The following ARHGAP32 variants were observed in gnomAD, a reference collection of about 807,000 sequenced individuals.
ARHGAP32 encodes the protein Rho GTPase activating protein 32.
A neutral mutation model predicts 186.5 loss-of-function variants in ARHGAP32; 51 were observed. The ratio of observed to expected loss-of-function variants is 0.27; its 90% CI spans 0.22 to 0.35. The LOEUF is 0.35. Among genes scored for constraint, ARHGAP32 ranks in the 10% least tolerant of loss-of-function variants. The probability of loss-of-function intolerance (pLI) is 1.00; values close to 1 mark genes in which losing one functional copy is unlikely to be tolerated. For missense variants in ARHGAP32, 2,186 were observed against 2,623.5 expected, an observed-to-expected ratio of 0.83 and a Z score of 3.64; for synonymous variants, 950 against 964.3, an observed-to-expected ratio of 0.99 and a Z score of 0.27.
chr11:129,094,027 T>A (rs1250751177), intron 5 of ARHGAP32, among the ~76,000 whole-genome samples: 2 of 152,098 alleles, frequency 1.3e-5, no homozygotes, highest in Non-Finnish European at 2.9e-5. Flanking sequence ...TTACATAGAT[T>A]AAAAACTGGC....
chr11:129,068,661 T>A (rs1373751827), intron 6 of ARHGAP32, among the ~76,000 whole-genome samples: 2 of 152,096 alleles, frequency 1.3e-5, no homozygotes, highest in African/African-American at 4.8e-5. Context: ...AAGCTTAGCA[T>A]CTTTTCATTT....
chr11:129,035,107 G>A (rs192348375), intron 11 of ARHGAP32, among the ~76,000 whole-genome samples: 151 of 151,596 alleles, frequency 1.0e-3, no homozygotes, highest in African/African-American at 3.4e-3. Flanking sequence ...ACTATATCAT[G>A]CCCTAGGGTG....
intron 5 of ARHGAP32, among the ~76,000 whole-genome samples, chr11:129,094,975 C>T (rs1319850852): frequency 6.6e-6 from 1 of 152,004 alleles, no homozygotes; most frequent in African/African-American, 2.4e-5. Flanking sequence ...ATGTAATGTA[C>T]CATTATAATT....
At chr11:129,246,130 A>G (rs1158553480) in intron 1 of ARHGAP32, among the ~76,000 whole-genome samples, 2 of 152,166 alleles carry the variant, frequency 1.3e-5, no homozygotes, top group Non-Finnish European at 2.9e-5. Context: ...CTTCAAGGGG[A>G]ATGAGAATTT....
At chr11:128,994,125 C>G (rs113008107) in intron 12 of ARHGAP32, among the ~76,000 whole-genome samples, 10 of 151,856 alleles carry the variant, frequency 6.6e-5, no homozygotes, top group African/African-American at 2.4e-4. Context: ...ATGAGCATGG[C>G]AGGACAAATT....
chr11:129,251,867 G>A (rs557160777), intron 1 of ARHGAP32, among the ~76,000 whole-genome samples: 2 of 150,878 alleles, frequency 1.3e-5, no homozygotes, highest in African/African-American at 2.4e-5. Flanking sequence ...CCCAGGAGGC[G>A]GAGGTTGCAG....
intron 12 of ARHGAP32, 70 bp downstream of exon 12, chr11:128,998,249 A>T: frequency 7.9e-7 from 1 of 1,269,720 alleles, no homozygotes; most frequent in Non-Finnish European, 1.1e-6. Flanking sequence ...TCTACTCCAT[A>T]ATTGGTTATA....
upstream of ARHGAP32, among the ~76,000 whole-genome samples, chr11:129,193,003 A>C (rs1591687993): frequency 6.6e-6 from 1 of 152,146 alleles, no homozygotes; most frequent in South Asian, 2.1e-4. Flanking sequence ...TGTCAACAAC[A>C]CAACTGTTAC....
intron 2 of ARHGAP32, among the ~76,000 whole-genome samples, chr11:129,134,007 T>C (rs1942879974): frequency 6.6e-6 from 1 of 152,150 alleles, no homozygotes; most frequent in South Asian, 2.1e-4. Flanking sequence ...TCGATGGTGG[T>C]AGGATTTCTA....
chr11:129,064,138 T>TAAAA (rs61104154), intron 8 of ARHGAP32, 114 bp from the exon 9 acceptor site: 18,859 of 637,322 alleles, frequency 0.03, 3 homozygotes, highest in Middle Eastern at 0.046. Context: ...CAAAGAGTCT[T>TAAAA]AAAAAAAAAA....
At chr11:129,032,976 T>C (rs1445654417) in intron 11 of ARHGAP32, among the ~76,000 whole-genome samples, 1 of 152,214 alleles carries the variant, frequency 6.6e-6, no homozygotes, top group Non-Finnish European at 1.5e-5. Context: ...TAAGTTCTAA[T>C]ACCACAGAGC....
intron 6 of ARHGAP32, among the ~76,000 whole-genome samples, chr11:129,075,297 A>G (rs1333232579): frequency 1.3e-5 from 2 of 152,214 alleles, no homozygotes; most frequent in Non-Finnish European, 2.9e-5. Flanking sequence ...AATGATAAAG[A>G]GATGCCATAC....
In ARHGAP32 at chr11:129,211,509, T is replaced by A. The variant is rs531972340; in HGVS notation, c.-4-47082A>T. ...CTAACACAATAGAACAGTTATTCAT[T>A]CCCTACTCTTTTCAGTGCCTTCTAT... On this transcript the variant is annotated intron_variant, in intron 1 of 6. Coordinates refer to the ARHGAP32 transcript ENST00000525234. 1.9e-3 allele frequency among the ~76,000 whole-genome samples: 287 copies of A among 152,316 alleles called. 4 individuals carry two copies. Among genetic ancestry groups the A allele is most frequent in the African/African-American group, 6.8e-3 (282 of 41,592 alleles).
chr11:129,070,758 T>C (rs914116917), intron 6 of ARHGAP32, among the ~76,000 whole-genome samples: 1 of 151,978 alleles, frequency 6.6e-6, no homozygotes, highest in Non-Finnish European at 1.5e-5. Context: ...ATTGACACGT[T>C]GTACCAATTT....
chr11:129,189,145 C>T (rs1016324868), intron 1 of ARHGAP32, among the ~76,000 whole-genome samples: 17 of 152,178 alleles, frequency 1.1e-4, no homozygotes, highest in Admixed American at 2.0e-4. Flanking sequence ...GAGATATCAG[C>T]TGTAGCCTCT....
chr11:129,177,771 A>G (rs1182365703), intron 1 of ARHGAP32, among the ~76,000 whole-genome samples: 1 of 152,246 alleles, frequency 6.6e-6, no homozygotes, highest in Non-Finnish European at 1.5e-5. Context: ...CAAATTAGGT[A>G]TTGATGGGAC....
chr11:129,111,218 T>C (rs960873103), intron 5 of ARHGAP32, among the ~76,000 whole-genome samples: 1 of 152,230 alleles, frequency 6.6e-6, no homozygotes, highest in African/African-American at 2.4e-5. Context: ...ATGTGATGTA[T>C]CATGTTTATT....
intron 1 of ARHGAP32, among the ~76,000 whole-genome samples, chr11:129,212,863 A>T (rs1264411634): frequency 4.6e-5 from 7 of 151,870 alleles, no homozygotes; most frequent in Admixed American, 1.3e-4. Flanking sequence ...GTTTTTTTTT[A>T]AATTGTGATC....
upstream of ARHGAP32, among the ~76,000 whole-genome samples, chr11:129,194,195 T>C (rs1477387245): frequency 6.6e-6 from 1 of 152,134 alleles, no homozygotes; most frequent in Non-Finnish European, 1.5e-5. Flanking sequence ...TAGCAAAATC[T>C]ACCAAAATTC....
Sources: allele counts gnomAD v4.1 joint callset (sites outside exome capture counted in the v4.1 genomes callset), GRCh38; gene constraint gnomAD v4.1.1; transcripts MANE v1.5; gene names NCBI Gene and HGNC (gene_info 2026-07-23, HGNC 2026-07-21).